Variants in MPND observed in about 807,000 individuals in gnomAD.
The protein encoded by MPND is MPN domain containing.
A neutral mutation model predicts 59.2 loss-of-function variants in MPND; 56 were observed. That is an observed-to-expected ratio of 0.95 (90% CI 0.76 to 1.18). The LOEUF is 1.18. MPND is among the 50% of genes most tolerant of loss of function. The pLI, the probability that MPND is intolerant of heterozygous loss-of-function variation, is 0.00. For missense variants in MPND, 671 were observed against 676.0 expected (o/e 0.99, Z 0.08); for synonymous variants, 323 against 291.9 (o/e 1.11, Z -1.09).
At chr19:4,353,248 T>C (rs531617054) in intron 4 of MPND, among the ~76,000 whole-genome samples, 9 of 152,230 alleles carry the variant, frequency 5.9e-5, no homozygotes, top group Non-Finnish European at 1.3e-4. Context: ...GCTCAAATGC[T>C]GGATTTTATT....
chr19:4,355,290 C>T, intron 8 of MPND, 117 bp downstream of exon 8: 3 of 1,024,772 alleles, frequency 2.9e-6, no homozygotes, highest in Non-Finnish European at 4.4e-6. Context: ...GGTGAGCATG[C>T]CCGTCTGTGT....
chr19:4,357,616 G>GCC, intron 10 of MPND, 31 bp downstream of exon 10: 1 of 1,585,346 alleles, frequency 6.3e-7, no homozygotes, highest in Non-Finnish European at 8.6e-7. Flanking sequence ...AGCCTGGGGG[G>GCC]CCCGGGAGCA....
At chr19:4,348,248 A>T (rs1972231057) in intron 3 of MPND, 1 of 147,612 alleles carries the variant, frequency 6.8e-6, no homozygotes, top group Admixed American at 6.7e-5. Flanking sequence ...GGCAAATTGC[A>T]AATTTCTTTT....
intron 3 of MPND, among the ~76,000 whole-genome samples, chr19:4,350,602 T>C (rs1972294929): frequency 6.6e-6 from 1 of 152,100 alleles, no homozygotes; most frequent in Non-Finnish European, 1.5e-5. Context: ...GATTTGCTGA[T>C]AGATCAGATG....
At position 4,345,620 on chromosome 19, in the gene MPND, TGA is replaced by T. The variant is rs1182914892; in HGVS notation, c.295-121_295-120del. Reference sequence around the variant, plus strand: ...CACTGAGGAGGCCCTGCAGCCGGCCTGAGAGGTGTTCCTGGAAGCCCTGTAAA... The same window carrying T: ...CACTGAGGAGGCCCTGCAGCCGGCCTGAGGTGTTCCTGGAAGCCCTGTAAA... On this transcript the variant is annotated intron_variant, in intron 2 of 12. Transcript: ENST00000599840. The T allele has an allele frequency of 4.7e-6, 4 of 852,306 alleles. No individual in the cohort carries two copies. The Admixed American group carries it at 9.2e-5, about 20-fold the overall frequency. 52.8% of individuals were successfully genotyped at this position (852,306 alleles called of 1,614,324 possible).
chr19:4,359,565 C>G (rs1165493108), intron 12 of MPND, among the ~76,000 whole-genome samples: 1 of 152,212 alleles, frequency 6.6e-6, no homozygotes, highest in South Asian at 2.1e-4. Flanking sequence ...CCTGGTTTCC[C>G]TCCACCTGGC....
chr19:4,357,724 A>C (rs756008339), intron 10 of MPND, 139 bp downstream of exon 10: 12 of 806,082 alleles, frequency 1.5e-5, no homozygotes, highest in Non-Finnish European at 2.3e-5. Context: ...TGGGGACGTG[A>C]CTGCTGCCCT....
Position 4,354,495 on chromosome 19 carries a change from G to A in MPND, c.846+75G>A, listed in dbSNP as rs762694594. ...TGGGCAGCGGGCGGGGCTCCCCTGC[G>A]TATCAGCTCCATGAGAGCTGGGGCC... On this transcript the variant is annotated intron_variant, in intron 6 of 12. Coordinates refer to ENST00000599840, the MANE Select transcript of MPND (RefSeq NM_001300862.2). 4.8e-5 allele frequency: 57 copies of A among 1,184,928 alleles called. 1 individual carries two copies. The highest frequency in any genetic ancestry group is 2.8e-4 in the South Asian group (21 of 75,258). The allele number at this position is 1,184,928 out of a possible 1,614,324, so 73.4% of individuals were successfully genotyped here.
At chr19:4,345,072 G>C (rs1201531854) in intron 2 of MPND, among the ~76,000 whole-genome samples, 2 of 106,486 alleles carry the variant, frequency 1.9e-5, no homozygotes, top group Non-Finnish European at 3.5e-5. Context: ...TTTTGAGACA[G>C]AGTCTCGCGC....
At chr19:4,353,448 A>C (rs894556367) in intron 4 of MPND, among the ~76,000 whole-genome samples, 1 of 152,074 alleles carries the variant, frequency 6.6e-6, no homozygotes, top group Admixed American at 6.6e-5. Flanking sequence ...TTGTATTTTT[A>C]GTAGAGATGG....
chr19:4,344,840 C>G lies in MPND; in HGVS notation c.294+846C>G, dbSNP rs117699169. ...TGCAACCTCTGCCTCCCGGTTCAAG[C>G]GATTTTCTGCCTCAGCCTCCCGAGT... On this transcript the variant is annotated intron_variant, in intron 2 of 12. Coordinates refer to ENST00000599840, the MANE Select transcript of MPND (RefSeq NM_001300862.2). 6.6e-3 allele frequency among the ~76,000 whole-genome samples: 980 copies of G among 147,512 alleles called. 6 individuals are homozygous for G. The highest frequency in any genetic ancestry group is 0.011 in the Non-Finnish European group (771 of 67,416).
rs749835333 is a variant in MPND at position 4,359,224 on chromosome 19, G to A, written c.1388G>A (p.Ser463Asn). 1.2e-5 allele frequency: 20 copies of A among 1,613,370 alleles called. No individual in the cohort carries two copies. The highest frequency in any genetic ancestry group is 1.7e-4 in the Middle Eastern group (1 of 6,058). Residue 463 changes from serine to asparagine, a missense_variant, in exon 12 of 13, where the codon AGC (serine) becomes AAC (asparagine). Transcript: ENST00000599840. ...CTCGTGAGGCTCCAGGAACCCTGGA[G>A]CCAGGAGCACACCTACCTCGACAAG... Reference protein sequence around the residue: ...PDLVRLQEPWSQEHTYLDKLK... With the variant: ...PDLVRLQEPWNQEHTYLDKLK...
chr19:4,347,830 A>G, intron 3 of MPND: 1 of 321,326 alleles, frequency 3.1e-6, no homozygotes, highest in Non-Finnish European at 6.2e-6. Context: ...GTCTACAAGG[A>G]ACTGGCAAAT....
Position 4,346,845 on chromosome 19 carries a change from C to G in MPND, c.531+864C>G, listed in dbSNP as rs138412578. ...AAGAGATCCAGACCAGCCTGGCCAA[C>G]ATGGTGAAACCCCGTCTCTACTAAA... On this transcript the variant is annotated intron_variant, in intron 3 of 12. Transcript: ENST00000599840. Among the ~76,000 whole-genome samples the G allele has an allele frequency of 6.3e-4, 96 of 151,648 alleles. 1 individual carries two copies. In the East Asian group the frequency reaches 0.016, roughly 25 times the overall value.
At chr19:4,347,759 GC>G in intron 3 of MPND, 2 of 703,880 alleles carry the variant, frequency 2.8e-6, no homozygotes, top group Non-Finnish European at 4.5e-6. Flanking sequence ...CCATGAACCT[GC>G]CCGACGCAGT....
chr19:4,355,091 C>A lies in MPND; in HGVS notation c.920-6C>A. On this transcript the variant is annotated splice_polypyrimidine_tract_variant and splice_region_variant and intron_variant, in intron 7 of 12. Coordinates refer to ENST00000599840, the MANE Select transcript of MPND (RefSeq NM_001300862.2). ...GTCACGGGGTCACAGCTGCCCCTCC[C>A]CACAGTGCTGACGGTGCTCAGAGCC... 1 of 1,613,972 alleles carries A rather than the reference C, an allele frequency of 6.2e-7. No homozygotes were observed. Among genetic ancestry groups the A allele is most frequent in the South Asian group, 1.1e-5 (1 of 91,076 alleles).
chr19:4,353,000 G>A lies in MPND; in HGVS notation c.635G>A (p.Gly212Glu), dbSNP rs1275687690. Residue 212 changes from glycine (G) to glutamate (E), a missense_variant, in exon 4 of 13, where the codon GGG becomes GAG. Coordinates refer to ENST00000599840, the MANE Select transcript of MPND (RefSeq NM_001300862.2). ...GAGGACAAGAGTCGGAGACCACTGG[G>A]GAAGAGCCCTTCAGAGCCTGCCCAC... is the stretch of plus-strand genomic sequence containing the variant. ...SAEDKSRRPL[G>E]KSPSEPAHPE... 7.3e-7 allele frequency: 1 copy of A among 1,362,624 alleles called. No homozygotes were observed. Among genetic ancestry groups the A allele is most frequent in the Non-Finnish European group, 9.6e-7 (1 of 1,047,074 alleles). The allele number at this position is 1,362,624 out of a possible 1,614,324, so 84.4% of individuals were successfully genotyped here. A position where few individuals can be genotyped will look rare whatever the true frequency, so the allele number is the denominator to read the frequency against.
Position 4,345,809 on chromosome 19 carries a change from C to T in MPND, c.359C>T (p.Thr120Ile), listed in dbSNP as rs956882040. The change falls in exon 3 of 13, where the codon ACC becomes ATC. Residue 120 changes from threonine (T) to isoleucine (I), a missense_variant. By Grantham distance (89) the Thr-to-Ile change is moderately conservative. Coordinates refer to ENST00000599840, the MANE Select transcript of MPND (RefSeq NM_001300862.2). ...ATCATGTGGCAGGAGACCGGGCAGA[C>T]CTTCAACTCACCCAGCGCCTGGGCC... ...GRIMWQETGQ[T>I]FNSPSAWATH... The T allele has an allele frequency of 1.2e-6, 2 of 1,613,854 alleles. No individual in the cohort carries two copies. Among genetic ancestry groups the T allele is most frequent in the African/African-American group, 2.7e-5 (2 of 74,934 alleles).
intron 11 of MPND, 108 bp from the exon 12 acceptor site, chr19:4,359,055 G>C: frequency 1.4e-6 from 1 of 718,578 alleles, no homozygotes; most frequent in Admixed American, 2.2e-5. Context: ...TGGTTTGTTA[G>C]TGATGGGGTC....
Sources: allele counts gnomAD v4.1 joint callset (sites outside exome capture counted in the v4.1 genomes callset), GRCh38; gene constraint gnomAD v4.1.1; transcripts MANE v1.5; gene names NCBI Gene and HGNC (gene_info 2026-07-23, HGNC 2026-07-21).